The following AFAP1L1 variants were observed in gnomAD, a reference collection of about 807,000 sequenced individuals.
AFAP1L1 encodes actin filament-associated protein 1-like 1.
In AFAP1L1, 77 loss-of-function variants were observed where a neutral mutation model predicts 99.8. The ratio of observed to expected loss-of-function variants is 0.77; its 90% confidence interval spans 0.64 to 0.93. AFAP1L1 has a LOEUF of 0.93. AFAP1L1 is among the 40% of genes least tolerant of loss of function. AFAP1L1 has a pLI of 0.00. For synonymous variants in AFAP1L1, 373 were observed against 395.3 expected (o/e 0.94, Z 0.67); for missense variants, 893 against 996.8 (o/e 0.90, Z 1.40).
At chr5:149,284,392 G>A (rs1345057899) in intron 1 of AFAP1L1, among the ~76,000 whole-genome samples, 1 of 152,208 alleles carries the variant, frequency 6.6e-6, no homozygotes, top group Non-Finnish European at 1.5e-5. Flanking sequence ...CTCTTCAACT[G>A]AAAATGGAGA....
intron 3 of AFAP1L1, among the ~76,000 whole-genome samples, chr5:149,300,856 C>T (rs1460855662): frequency 6.6e-6 from 1 of 152,202 alleles, no homozygotes; most frequent in African/African-American, 2.4e-5. Flanking sequence ...GCACACTGTG[C>T]CTTTATAGCA....
intron 1 of AFAP1L1, among the ~76,000 whole-genome samples, chr5:149,287,752 G>GT (rs57835099): frequency 0.043 from 5,558 of 130,202 alleles, 275 homozygotes; most frequent in African/African-American, 0.12. Flanking sequence ...TTTTTTTGGT[G>GT]TTTTTTTTTT....
rs532505941 is a variant in AFAP1L1, at chr5:149,311,400, G to A, written c.928-712G>A. Among the ~76,000 whole-genome samples, 9 of 152,296 alleles carry A rather than the reference G, an allele frequency of 5.9e-5. No homozygotes were observed. The South Asian group carries it at 1.7e-3, about 28-fold the overall frequency. ...GGCCGTTAGCCCAGAGGTTAACAGT[G>A]GGCAGCTGAACTGCCTGCATTTAGT... On this transcript the variant is annotated intron_variant, in intron 8 of 18. Transcript: ENST00000296721.
intron 8 of AFAP1L1, among the ~76,000 whole-genome samples, 157 bp from the exon 9 acceptor site, chr5:149,311,955 T>G (rs1259232943): frequency 6.6e-6 from 1 of 152,226 alleles, no homozygotes; most frequent in Non-Finnish European, 1.5e-5. Flanking sequence ...TACAAACCCA[T>G]GTGCCCCACA....
At position 149,317,898 on chromosome 5, in the gene AFAP1L1, C is replaced by T. The variant is rs1171910106; in HGVS notation, c.1437C>T (p.Ala479=). The T allele has an allele frequency of 2.5e-6, 4 of 1,592,154 alleles. No homozygotes were observed. In the African/African-American group the frequency reaches 5.4e-5, roughly 21 times the overall value. ...APGFGPRHPF[A]FRILRNRQEV... is the part of the protein sequence containing the mutation. ...GCTTTGGGCCCCGACACCCATTTGC[C>T]TTCAGGATCCTGCGCAACCGGCAGG... Residue 479 remains alanine, a synonymous_variant, in exon 12 of 19, where the codon GCC becomes GCT. Transcript: ENST00000296721.
chr5:149,336,649 C>T (rs1757416131), intron 18 of AFAP1L1, among the ~76,000 whole-genome samples: 1 of 152,202 alleles, frequency 6.6e-6, no homozygotes. Flanking sequence ...AACATGTTAG[C>T]TCAGGTCTCT....
intron 1 of AFAP1L1, among the ~76,000 whole-genome samples, chr5:149,295,526 A>AC (rs1755988285): frequency 3.4e-4 from 7 of 20,802 alleles, no homozygotes; most frequent in Admixed American, 2.5e-3. Context: ...AAAAAGAAAG[A>AC]AAGACAGAAG....
chr5:149,282,663 G>A (rs1420918291), intron 1 of AFAP1L1, among the ~76,000 whole-genome samples: 1 of 152,194 alleles, frequency 6.6e-6, no homozygotes, highest in Non-Finnish European at 1.5e-5. Context: ...ACAGAGTTGG[G>A]TAGTTGAAAC....
intron 1 of AFAP1L1, among the ~76,000 whole-genome samples, chr5:149,290,402 G>C (rs1249348462): frequency 6.6e-6 from 1 of 152,206 alleles, no homozygotes; most frequent in Non-Finnish European, 1.5e-5. Context: ...TCCCGCTAGT[G>C]AGGTAGATAT....
chr5:149,341,185 A>G lies in AFAP1L1; in HGVS notation c.*1155A>G, dbSNP rs559349920. 34 of 152,350 alleles carry G rather than the reference A, an allele frequency of 2.2e-4. No individual in the cohort carries two copies. The highest frequency in any genetic ancestry group is 8.2e-4 in the African/African-American group (34 of 41,582). The allele number at this position is 152,350 out of a possible 1,614,324, so 9.4% of individuals were successfully genotyped here. A position where few individuals can be genotyped will look rare whatever the true frequency, so the allele number is the denominator to read the frequency against. On this transcript the variant is annotated 3_prime_UTR_variant, in exon 19 of 19. Transcript: ENST00000296721. ...GCCAGTGCTTAGCTCAAGAGGAAAGAAGGAAAATCCCAGAATAACCGTGGC... is the reference window on the plus strand; with the variant it reads ...GCCAGTGCTTAGCTCAAGAGGAAAGGAGGAAAATCCCAGAATAACCGTGGC...
At chr5:149,275,478 C>A (rs1755286509) in intron 1 of AFAP1L1, among the ~76,000 whole-genome samples, 1 of 151,006 alleles carries the variant, frequency 6.6e-6, no homozygotes, top group African/African-American at 2.4e-5. Context: ...TCTTCTTCTT[C>A]TTCTTTCTTC....
intron 1 of AFAP1L1, among the ~76,000 whole-genome samples, chr5:149,295,508 C>T (rs886121099): frequency 8.1e-6 from 1 of 123,832 alleles, no homozygotes; most frequent in South Asian, 3.1e-4. Context: ...TTGCTGGAAC[C>T]TCACAGCAAA....
rs987411218 is a variant in AFAP1L1, at chr5:149,342,837, G to A, written c.*2807G>A. On this transcript the variant is annotated 3_prime_UTR_variant, in exon 19 of 19. Transcript: ENST00000296721. ...TGAGGGAGGAGAATCACTTGAACCC[G>A]GGAGGTGGAGGTTGCAGTGAGCCGA... 2.6e-5 allele frequency among the ~76,000 whole-genome samples: 4 copies of A among 152,020 alleles called. No individual in the cohort carries two copies. Among genetic ancestry groups the A allele is most frequent in the African/African-American group, 7.2e-5 (3 of 41,392 alleles).
chr5:149,332,543 G>C, intron 16 of AFAP1L1, 152 bp from the exon 17 acceptor site: 1 of 734,344 alleles, frequency 1.4e-6, no homozygotes, highest in Non-Finnish European at 2.2e-6. Flanking sequence ...CTAGTATGGA[G>C]CTGGAACCCC....
intron 18 of AFAP1L1, among the ~76,000 whole-genome samples, chr5:149,336,505 A>G (rs750175767): frequency 4.6e-5 from 7 of 152,244 alleles, no homozygotes; most frequent in Non-Finnish European, 8.8e-5. Flanking sequence ...ATAAAGAAAC[A>G]GAATGTATTT....
chr5:149,294,546 G>A (rs1188216974), intron 1 of AFAP1L1, among the ~76,000 whole-genome samples: 1 of 152,166 alleles, frequency 6.6e-6, no homozygotes, highest in Non-Finnish European at 1.5e-5. Flanking sequence ...GATGTATATC[G>A]GGTTTTCTCT....
intron 7 of AFAP1L1, 113 bp from the exon 8 acceptor site, chr5:149,309,843 G>T: frequency 7.6e-7 from 1 of 1,324,458 alleles, no homozygotes; most frequent in Non-Finnish European, 1.1e-6. Flanking sequence ...GCTAGGCTGG[G>T]TGGGGGAGGT....
intron 11 of AFAP1L1, among the ~76,000 whole-genome samples, chr5:149,316,659 G>A (rs1193878363): frequency 2.0e-5 from 3 of 152,064 alleles, no homozygotes; most frequent in Non-Finnish European, 1.5e-5. Context: ...AGGTTTATAA[G>A]TAACAACCCA....
At chr5:149,296,570 A>T (rs1221587083) in intron 1 of AFAP1L1, among the ~76,000 whole-genome samples, 1 of 152,142 alleles carries the variant, frequency 6.6e-6, no homozygotes, top group Non-Finnish European at 1.5e-5. Flanking sequence ...CCTATGAGGG[A>T]ATACGCATGT....
Sources: gnomAD v4.1 joint callset for allele counts (sites outside exome capture counted in the v4.1 genomes callset) on GRCh38, gnomAD v4.1.1 for gene constraint, MANE v1.5 for transcripts, NCBI Gene and HGNC (gene_info 2026-07-23, HGNC 2026-07-21) for gene names.